Variants in S100A8 observed in about 807,000 individuals in gnomAD.
S100A8 encodes protein S100-A8.
In S100A8, 1 loss-of-function variant was observed where a neutral mutation model predicts 4.2. The ratio of observed to expected loss-of-function variants is 0.24; its 90% CI spans 0.08 to 1.12. The LOEUF is 1.12. S100A8 is among the 50% of genes most tolerant of loss of function. S100A8 has a pLI of 0.53. For synonymous variants in S100A8, 41 were observed against 44.7 expected, an observed-to-expected ratio of 0.92 and a Z score of 0.33; for missense variants, 96 against 111.8, an observed-to-expected ratio of 0.86 and a Z score of 0.64.
chr1:153,421,806 T>C, the S100A8 span: 7 of 152,228 alleles, frequency 4.6e-5, no homozygotes, highest in African/African-American at 1.7e-4. Flanking sequence ...TTTTTCCAGT[T>C]CTTATTTCAC....
the S100A8 span, among the ~76,000 whole-genome samples, chr1:153,397,998 A>G: frequency 6.6e-6 from 1 of 152,132 alleles, no homozygotes; most frequent in African/African-American, 2.4e-5. Context: ...ACCACCAACA[A>G]TCACTTCCCC....
chr1:153,412,789 G>T, the S100A8 span, among the ~76,000 whole-genome samples: 2 of 152,114 alleles, frequency 1.3e-5, no homozygotes, highest in Non-Finnish European at 2.9e-5. Flanking sequence ...ATACACCATG[G>T]AATACTATGC....
At chr1:153,413,957 C>T in the S100A8 span, among the ~76,000 whole-genome samples, 2 of 152,168 alleles carry the variant, frequency 1.3e-5, no homozygotes, top group African/African-American at 2.4e-5. Flanking sequence ...ATCTTGGTGA[C>T]TTGCACACTA....
the S100A8 span, chr1:153,421,326 C>A: frequency 6.6e-6 from 1 of 152,156 alleles, no homozygotes; most frequent in African/African-American, 2.4e-5. Context: ...CACCATGACC[C>A]CACTCTTACC....
chr1:153,419,622 C>T, the S100A8 span: 8 of 373,690 alleles, frequency 2.1e-5, no homozygotes, highest in Non-Finnish European at 3.9e-5. Flanking sequence ...GGTAGAAGGC[C>T]CCTGCCAGGT....
At chr1:153,393,269 T>C (rs973938079), upstream of S100A8, among the ~76,000 whole-genome samples, 6 of 152,152 alleles carry the variant, frequency 3.9e-5, no homozygotes, top group African/African-American at 1.4e-4. Context: ...GCAGAATTAG[T>C]TCTTCTCTCC....
upstream of S100A8, among the ~76,000 whole-genome samples, chr1:153,392,855 C>T (rs1201847035): frequency 1.3e-5 from 2 of 152,136 alleles, no homozygotes; most frequent in African/African-American, 4.8e-5. Flanking sequence ...CATTGGGGAC[C>T]CAGCACAGTG....
the S100A8 span, among the ~76,000 whole-genome samples, chr1:153,416,129 C>G: frequency 1.3e-5 from 2 of 152,174 alleles, no homozygotes; most frequent in Non-Finnish European, 2.9e-5. Context: ...GGTCATAGAA[C>G]AGGCTGTCAC....
upstream of S100A8, among the ~76,000 whole-genome samples, chr1:153,393,982 C>T (rs1035012738): frequency 5.3e-5 from 8 of 152,190 alleles, no homozygotes; most frequent in Admixed American, 1.3e-4. Flanking sequence ...CCAGAAACTG[C>T]GCCCCTGGAC....
chr1:153,418,135 A>T, the S100A8 span: 54 of 1,614,146 alleles, frequency 3.3e-5, no homozygotes, highest in African/African-American at 7.2e-4. Flanking sequence ...GACATGTTTC[A>T]CAAATACACC....
the S100A8 span, among the ~76,000 whole-genome samples, chr1:153,402,715 C>T: frequency 6.6e-6 from 1 of 152,294 alleles, no homozygotes; most frequent in East Asian, 1.9e-4. Context: ...CCTATAGATT[C>T]AGTGCAATCC....
chr1:153,390,184 G>T lies in S100A8; in HGVS notation c.201C>A (p.Asn67Lys). Residue 67 changes from asparagine to lysine, a missense_variant, in exon 3 of 3, where the codon AAC (asparagine) becomes AAA (lysine). Asn to Lys is a moderately conservative substitution (Grantham distance 94). Coordinates refer to ENST00000368733, the MANE Select transcript of S100A8 (RefSeq NM_002964.5). ...TCACCAGAATGAGGAACTCCTGGAA[G>T]TTAACTGCACCATCAGTGTTGATAT... ...ELDINTDGAV[N>K]FQEFLILVIK... 6.2e-7 allele frequency: 1 copy of T among 1,614,152 alleles called. No homozygotes were observed.
the S100A8 span, chr1:153,422,490 T>C: frequency 5.1e-6 from 5 of 983,186 alleles, no homozygotes; most frequent in Non-Finnish European, 6.0e-6. Context: ...AGAGAAAGAA[T>C]ACTTGACAGC....
the S100A8 span, among the ~76,000 whole-genome samples, chr1:153,408,445 T>C: frequency 9.2e-5 from 14 of 151,984 alleles, no homozygotes; most frequent in African/African-American, 3.4e-4. Flanking sequence ...TAAAAAGAAA[T>C]GGACAAAGCC....
chr1:153,395,110 G>A (rs1336063549), upstream of S100A8, among the ~76,000 whole-genome samples: 1 of 152,106 alleles, frequency 6.6e-6, no homozygotes, highest in Non-Finnish European at 1.5e-5. Context: ...GTGGGGTCAG[G>A]GATACCGGAG....
chr1:153,417,865 T>A, the S100A8 span: 1 of 582,250 alleles, frequency 1.7e-6, no homozygotes, highest in Non-Finnish European at 2.9e-6. Flanking sequence ...TTCTTGGCCC[T>A]GGCCAGGATG....
the S100A8 span, among the ~76,000 whole-genome samples, chr1:153,397,827 T>G: frequency 6.6e-6 from 1 of 152,112 alleles, no homozygotes; most frequent in Non-Finnish European, 1.5e-5. Context: ...TCTCCCAGCT[T>G]CCCTCACCTC....
the S100A8 span, chr1:153,417,971 T>C: frequency 6.8e-7 from 1 of 1,461,406 alleles, no homozygotes; most frequent in Non-Finnish European, 9.3e-7. Context: ...ATCTTAGGGC[T>C]GTTTTTACTC....
chr1:153,393,283 A>G (rs1662143994), upstream of S100A8, among the ~76,000 whole-genome samples: 1 of 152,040 alleles, frequency 6.6e-6, no homozygotes, highest in African/African-American at 2.4e-5. Context: ...TCTCTCCTCC[A>G]TGCTACCCAA....
Sources: gnomAD v4.1 joint callset for allele counts (sites outside exome capture counted in the v4.1 genomes callset) on GRCh38, gnomAD v4.1.1 for gene constraint, MANE v1.5 for transcripts, NCBI Gene and HGNC (gene_info 2026-07-23, HGNC 2026-07-21) for gene names.